The following RIMS1 variants were observed in gnomAD, a reference collection of about 807,000 sequenced individuals.
RIMS1 encodes the protein regulating synaptic membrane exocytosis 1.
Under a neutral mutation model 214.1 loss-of-function variants are expected in RIMS1, and 83 were observed. The observed-to-expected ratio is 0.39, with a 90% CI of 0.32 to 0.47. The LOEUF (loss-of-function observed/expected upper bound fraction) is 0.47. Ranked by LOEUF, RIMS1 falls within the 20% of genes least tolerant of loss-of-function variation. RIMS1 has a pLI of 0.99. For missense variants in RIMS1, 2,050 were observed against 2,161.8 expected (o/e 0.95, Z 1.03); for synonymous variants, 793 against 786.8 (o/e 1.01, Z -0.13).
chr6:72,217,271 T>C, intron 6 of RIMS1: 1 of 1,498,780 alleles, frequency 6.7e-7, no homozygotes, highest in South Asian at 1.2e-5. Flanking sequence ...AATCTATGGA[T>C]AAATGTAAAG....
At chr6:72,221,766 TA>T (rs1300947100) in intron 6 of RIMS1, among the ~76,000 whole-genome samples, 2 of 152,154 alleles carry the variant, frequency 1.3e-5, no homozygotes, top group East Asian at 3.9e-4. Flanking sequence ...TAAGCTATGA[TA>T]TTTTTTCTTA....
Position 72,261,197 on chromosome 6 carries a change from T to C in RIMS1, c.3116+430T>C, listed in dbSNP as rs890478601. ...TGTTTTAGCCTTTTTTAATTTCCTTTTAGAATTTATTGTTGTTTATATTCT... is the reference window on the plus strand; with the variant it reads ...TGTTTTAGCCTTTTTTAATTTCCTTCTAGAATTTATTGTTGTTTATATTCT... On this transcript the variant is annotated intron_variant, in intron 19 of 33. Transcript: ENST00000521978. 3.0e-6 allele frequency: 3 copies of C among 1,015,556 alleles called. No individual in the cohort carries two copies. The African/African-American group carries it at 5.2e-5, about 18-fold the overall frequency. The allele number at this position is 1,015,556 out of a possible 1,614,324, so 62.9% of individuals were successfully genotyped here.
chr6:71,988,830 A>G (rs1008258260), intron 2 of RIMS1, among the ~76,000 whole-genome samples: 9 of 152,208 alleles, frequency 5.9e-5, no homozygotes, highest in Admixed American at 3.9e-4. Flanking sequence ...TAGGAATGGG[A>G]TATTTTTATG....
At position 72,175,498 on chromosome 6, in the gene RIMS1, C is replaced by T. The variant is rs182015924; in HGVS notation, c.472-4077C>T. On this transcript the variant is annotated intron_variant, in intron 4 of 33. Coordinates refer to ENST00000521978, the MANE Select transcript of RIMS1 (RefSeq NM_014989.7). ...GACCAGCCTGCCCAACATGGTGAAA[C>T]ACCGTCTCTACTAAAAATACAAAAA... is the stretch of plus-strand genomic sequence containing the variant. 5.2e-3 allele frequency: 1,013 copies of T among 193,008 alleles called. 5 individuals carry two copies. The highest frequency in any genetic ancestry group is 0.011 in the Middle Eastern group (5 of 440). 12.0% of individuals were successfully genotyped at this position (193,008 alleles called of 1,614,324 possible). A position where few individuals can be genotyped will look rare whatever the true frequency, so the allele number is the denominator to read the frequency against.
intron 19 of RIMS1, chr6:72,261,373 C>CATAT: frequency 1.0e-6 from 1 of 986,898 alleles, no homozygotes; most frequent in Non-Finnish European, 1.2e-6. Flanking sequence ...CCCACAAAGG[C>CATAT]ATATAACAGT....
In RIMS1 at chr6:72,224,057, G is replaced by A. The variant is rs114208662; in HGVS notation, c.1679-9716G>A. Among the ~76,000 whole-genome samples the A allele has an allele frequency of 3.5e-3, 538 of 152,054 alleles. 3 individuals carry two copies. Among genetic ancestry groups the A allele is most frequent in the African/African-American group, 0.012 (508 of 41,452 alleles). On this transcript the variant is annotated intron_variant, in intron 6 of 33. Coordinates refer to ENST00000521978, the MANE Select transcript of RIMS1 (RefSeq NM_014989.7). Reference sequence around the variant, plus strand: ...ATTTCATAGAGGAGATTATCAGCAGGAGCAGAAGCAGCATGATCCATATGA... The same window carrying A: ...ATTTCATAGAGGAGATTATCAGCAGAAGCAGAAGCAGCATGATCCATATGA...
chr6:72,101,141 A>G (rs551413075), intron 4 of RIMS1, among the ~76,000 whole-genome samples: 2 of 152,034 alleles, frequency 1.3e-5, no homozygotes, highest in African/African-American at 4.8e-5. Context: ...ATTTGGTGAT[A>G]AAATTTAAAC....
intron 2 of RIMS1, among the ~76,000 whole-genome samples, chr6:72,051,999 C>T (rs1824836225): frequency 6.6e-6 from 1 of 152,060 alleles, no homozygotes; most frequent in Non-Finnish European, 1.5e-5. Flanking sequence ...ATTTTATGCA[C>T]TCTTCATGAT....
intron 4 of RIMS1, among the ~76,000 whole-genome samples, chr6:72,150,694 A>C (rs754062513): frequency 8.5e-5 from 13 of 152,244 alleles, no homozygotes; most frequent in Non-Finnish European, 1.9e-4. Flanking sequence ...AATATGCAAT[A>C]GTAATTGCCT....
At chr6:72,339,522 G>A (rs1211026571) in intron 29 of RIMS1, among the ~76,000 whole-genome samples, 1 of 151,818 alleles carries the variant, frequency 6.6e-6, no homozygotes, top group Non-Finnish European at 1.5e-5. Context: ...CTGTGAGTGA[G>A]AACATGCAGT....
chr6:72,088,216 ACTTT>A (rs752349550), intron 2 of RIMS1, among the ~76,000 whole-genome samples: 1 of 125,114 alleles, frequency 8.0e-6, no homozygotes, highest in South Asian at 2.6e-4. Context: ...TTATTTATTT[ACTTT>A]ATTTATTTAT....
At chr6:72,033,271 A>T (rs12529081) in intron 2 of RIMS1, among the ~76,000 whole-genome samples, 1 of 152,132 alleles carries the variant, frequency 6.6e-6, no homozygotes, top group South Asian at 2.1e-4. Flanking sequence ...TGCATGTTAC[A>T]GTATGCTGAC....
Position 72,284,097 on chromosome 6 carries a change from G to A in RIMS1, c.3533G>A (p.Gly1178Asp). ...RSSIQKQTRK[G>D]TASDAERVLP... The stretch of plus-strand genomic sequence containing the variant: ...AGCATCCAAAAACAGACTAGGAAAG[G>A]CACTGCCTCTGATGCAGAAAGGTAG... The change falls in exon 24 of 34, where the codon GGC (glycine) becomes GAC (aspartate). Residue 1178 changes from glycine (G) to aspartate (D), a missense_variant. Transcript: ENST00000521978. 2 of 1,613,106 alleles carry A rather than the reference G, an allele frequency of 1.2e-6. No homozygotes were observed. Among genetic ancestry groups the A allele is most frequent in the Non-Finnish European group, 1.7e-6 (2 of 1,179,274 alleles).
intron 4 of RIMS1, among the ~76,000 whole-genome samples, chr6:72,103,072 G>A (rs931439201): frequency 1.3e-5 from 2 of 151,900 alleles, no homozygotes; most frequent in African/African-American, 4.8e-5. Context: ...AAATAACATA[G>A]GTCTATATAG....
At chr6:72,206,017 T>C (rs2496527) in intron 6 of RIMS1, among the ~76,000 whole-genome samples, 107,665 of 151,944 alleles carry the variant, frequency 0.71, 38,493 homozygotes, top group East Asian at 0.84. Flanking sequence ...ACAGGATATA[T>C]ACCAAAATGA....
chr6:72,265,901 C>T (rs1232986421), intron 21 of RIMS1, 59 bp from the exon 22 acceptor site: 9 of 1,222,982 alleles, frequency 7.4e-6, no homozygotes, highest in African/African-American at 3.0e-5. Flanking sequence ...ACATGGTCTT[C>T]CTTTCTTTGT....
intron 1 of RIMS1, among the ~76,000 whole-genome samples, chr6:71,941,073 A>C (rs1471441899): frequency 6.6e-6 from 1 of 152,164 alleles, no homozygotes; most frequent in Non-Finnish European, 1.5e-5. Context: ...ATTTTGACAA[A>C]TATAATTCCT....
chr6:72,290,716 G>A lies in RIMS1; in HGVS notation c.3592G>A (p.Ala1198Thr). 2 of 1,613,742 alleles carry A rather than the reference G, an allele frequency of 1.2e-6. No homozygotes were observed. The highest frequency in any genetic ancestry group is 8.5e-7 in the Non-Finnish European group (1 of 1,179,768). The change falls in exon 25 of 34, where the codon GCC (alanine) becomes ACC (threonine). Residue 1198 changes from alanine (A) to threonine (T), a missense_variant. Around this residue, in one of 6 missense-constraint regions of RIMS1, gnomAD observed 889 missense variants for 885.5 expected, o/e 1.00. Transcript: ENST00000521978. ...PTCLSRRGHAAPRATDQPVIR... is the reference protein window; with the variant it reads ...PTCLSRRGHATPRATDQPVIR... Reference sequence around the variant, plus strand: ...ATGTCTTTCTAGAAGGGGACACGCAGCCCCAAGAGCAACTGATCAGCCAGT... The same window carrying A: ...ATGTCTTTCTAGAAGGGGACACGCAACCCCAAGAGCAACTGATCAGCCAGT...
In RIMS1 at chr6:71,968,967, C is replaced by CGA; in HGVS notation, c.165-16_165-15insGA. ...TATAATTAATAGTGCGTTGTGCTGT[C>CGA]TATCATGCGCCCCAGGTGTGTTGTC... On this transcript the variant is annotated splice_polypyrimidine_tract_variant and intron_variant, in intron 1 of 33. Transcript: ENST00000521978. 6.2e-7 allele frequency: 1 copy of CGA among 1,611,518 alleles called. No individual in the cohort carries two copies. Among genetic ancestry groups the CGA allele is most frequent in the Non-Finnish European group, 8.5e-7 (1 of 1,177,600 alleles).
Sources: gnomAD v4.1 joint callset for allele counts (sites outside exome capture counted in the v4.1 genomes callset) on GRCh38, gnomAD v4.1.1 for gene constraint, gnomAD v4.1.1 regional missense constraint, MANE v1.5 for transcripts, NCBI Gene and HGNC (gene_info 2026-07-23, HGNC 2026-07-21) for gene names.